Variants in DDX60 observed in about 807,000 individuals in gnomAD.
The protein encoded by DDX60 is DExD/H-box helicase 60, also known as probable ATP-dependent RNA helicase DDX60.
In DDX60, 165 loss-of-function variants were observed where a neutral mutation model predicts 212.8. That is an observed-to-expected ratio of 0.78 (90% CI 0.68 to 0.88). The LOEUF (loss-of-function observed/expected upper bound fraction) is 0.88. Ranked by LOEUF, DDX60 falls within the 40% of genes least tolerant of loss-of-function variation. The pLI is 0.00. For synonymous variants in DDX60, 703 were observed against 685.3 expected, an observed-to-expected ratio of 1.03 and a Z score of -0.40; for missense variants, 1,905 against 2,003.9, an observed-to-expected ratio of 0.95 and a Z score of 0.94.
Position 168,316,791 on chromosome 4 carries a change from CA to C in DDX60, c.-107+1830del, listed in dbSNP as rs918270066. On this transcript the variant is annotated intron_variant, in intron 1 of 37. Coordinates refer to ENST00000393743, the MANE Select transcript of DDX60 (RefSeq NM_017631.6). ...AGTGAAGTATTGTAGTTCTCCCAGC[CA>C]AAAAAAAAAGAAACCCAAAACTTGG... Among the ~76,000 whole-genome samples the C allele has an allele frequency of 1.8e-4, 26 of 143,582 alleles. 1 individual carries two copies. The highest frequency in any genetic ancestry group is 4.2e-4 in the Admixed American group (6 of 14,442). 94.2% of individuals were successfully genotyped at this position (143,582 alleles called of 152,430 possible). A position where few individuals can be genotyped will look rare whatever the true frequency, so the allele number is the denominator to read the frequency against.
At chr4:168,297,369 A>AGAAAGAAAGAAAGAAAGAAAGAAG in intron 6 of DDX60, among the ~76,000 whole-genome samples, 1 of 56,238 alleles carries the variant, frequency 1.8e-5, no homozygotes, top group Admixed American at 1.5e-4. Context: ...AAAGAAAGAA[A>AGAAAGAAAGAAAGAAAGAAAGAAG]GAAAGAAAGA....
At chr4:168,254,390 G>A (rs1284619443) in intron 26 of DDX60, among the ~76,000 whole-genome samples, 2 of 151,814 alleles carry the variant, frequency 1.3e-5, no homozygotes, top group African/African-American at 2.4e-5. Flanking sequence ...TAAGGAAACA[G>A]AAAAATAGGT....
At position 168,283,490 on chromosome 4, in the gene DDX60, T is replaced by C. The variant is rs1443712054; in HGVS notation, c.1678A>G (p.Lys560Glu). The C allele has an allele frequency of 7.4e-6, 12 of 1,613,394 alleles. No individual in the cohort carries two copies. In the East Asian group the frequency reaches 2.5e-4, roughly 33 times the overall value. Reference protein sequence around the residue: ...SSKIIVTQTIKSKKDFSGPKS... With the variant: ...SSKIIVTQTIESKKDFSGPKS... ...GGCCCACTAAAATCCTTCTTTGACT[T>C]AATAGTTTGAGTCACGATGATTTTC... Residue 560 changes from lysine (K) to glutamate (E), a missense_variant, in exon 13 of 38, where the codon AAG (lysine) becomes GAG (glutamate). Lys to Glu is a moderately conservative substitution (Grantham distance 56). Transcript: ENST00000393743.
chr4:168,260,230 C>T (rs1231745355), intron 25 of DDX60, among the ~76,000 whole-genome samples: 1 of 152,106 alleles, frequency 6.6e-6, no homozygotes, highest in Non-Finnish European at 1.5e-5. Flanking sequence ...TCACCATTTA[C>T]ATTAGGTATA....
At chr4:168,222,686 C>A (rs1402298184) in intron 35 of DDX60, among the ~76,000 whole-genome samples, 1 of 152,166 alleles carries the variant, frequency 6.6e-6, no homozygotes, top group East Asian at 1.9e-4. Context: ...TTTGGCACAG[C>A]TACTTTTTAA....
At chr4:168,289,739 A>G (rs528947357) in intron 8 of DDX60, among the ~76,000 whole-genome samples, 43 of 152,276 alleles carry the variant, frequency 2.8e-4, no homozygotes, top group Non-Finnish European at 1.5e-5. Flanking sequence ...CAAATGCTCA[A>G]GCCAGGGGTC....
chr4:168,288,047 G>A, intron 9 of DDX60, 127 bp downstream of exon 9: 1 of 586,296 alleles, frequency 1.7e-6, no homozygotes, highest in Non-Finnish European at 2.8e-6. Flanking sequence ...ACATACAAAT[G>A]TGAACAAAGA....
intron 13 of DDX60, among the ~76,000 whole-genome samples, chr4:168,281,683 ATTG>A (rs1300014888): frequency 6.6e-6 from 1 of 152,224 alleles, no homozygotes; most frequent in Non-Finnish European, 1.5e-5. Flanking sequence ...AAATTAGAGA[ATTG>A]TTGTATTAGC....
intron 33 of DDX60, among the ~76,000 whole-genome samples, chr4:168,235,269 G>A (rs1351424049): frequency 2.0e-5 from 3 of 151,936 alleles, no homozygotes; most frequent in African/African-American, 7.2e-5. Flanking sequence ...GCCTCCCAAA[G>A]TAGTGGGATT....
chr4:168,260,553 G>A (rs990165477), intron 25 of DDX60, among the ~76,000 whole-genome samples: 3 of 152,062 alleles, frequency 2.0e-5, no homozygotes, highest in African/African-American at 7.2e-5. Context: ...TGGTGCACAA[G>A]GATCGAGGGG....
intron 6 of DDX60, among the ~76,000 whole-genome samples, chr4:168,294,603 CG>C (rs1736260066): frequency 6.6e-6 from 1 of 152,010 alleles, no homozygotes; most frequent in Non-Finnish European, 1.5e-5. Flanking sequence ...CAGGCTCAAG[CG>C]ATTCTCTTGC....
chr4:168,223,955 A>G (rs1733154827), intron 35 of DDX60, among the ~76,000 whole-genome samples: 1 of 152,020 alleles, frequency 6.6e-6, no homozygotes, highest in Non-Finnish European at 1.5e-5. Flanking sequence ...AGACAGTTTT[A>G]TGTGCTACTT....
intron 29 of DDX60, among the ~76,000 whole-genome samples, chr4:168,247,904 C>A (rs1734077644): frequency 6.6e-6 from 1 of 152,174 alleles, no homozygotes; most frequent in Admixed American, 6.5e-5. Context: ...TTAATTCTTG[C>A]AAATGCCGTG....
At position 168,292,024 on chromosome 4, in the gene DDX60, CCTTTCTTTCTTT is replaced by C. The variant is rs35921068; in HGVS notation, c.883-130_883-119del. The C allele has an allele frequency of 8.0e-5, 41 of 509,442 alleles. No individual in the cohort carries two copies. In the African/African-American group the frequency reaches 8.1e-4, roughly 10 times the overall value. The allele number at this position is 509,442 out of a possible 1,614,324, so 31.6% of individuals were successfully genotyped here. A position where few individuals can be genotyped will look rare whatever the true frequency, so the allele number is the denominator to read the frequency against. On this transcript the variant is annotated intron_variant, in intron 7 of 37. Transcript: ENST00000393743. ...TGCTGTTCAGGAATCATGAATTATT[CCTTTCTTTCTTT>C]CTTTCTTTCTTTCTTTTTTTTTTTT...
chr4:168,290,836 T>C (rs1243311069), intron 8 of DDX60, among the ~76,000 whole-genome samples: 1 of 152,190 alleles, frequency 6.6e-6, no homozygotes, highest in African/African-American at 2.4e-5. Flanking sequence ...TGTTTTTATT[T>C]TTCTCACTCT....
intron 6 of DDX60, among the ~76,000 whole-genome samples, chr4:168,296,949 A>G (rs1245122773): frequency 6.7e-6 from 1 of 149,056 alleles, no homozygotes; most frequent in East Asian, 2.0e-4. Context: ...CTGGGCCCAC[A>G]GGAACCTCCA....
chr4:168,321,009 G>C (rs1012225619), upstream of DDX60, among the ~76,000 whole-genome samples: 2 of 152,072 alleles, frequency 1.3e-5, no homozygotes, highest in African/African-American at 2.4e-5. Context: ...AAGTTTTTTA[G>C]AATATATGAT....
chr4:168,260,937 T>C lies in DDX60; in HGVS notation c.3326A>G (p.Asn1109Ser). 6.2e-7 allele frequency: 1 copy of C among 1,613,510 alleles called. No homozygotes were observed. The highest frequency in any genetic ancestry group is 1.1e-5 in the South Asian group (1 of 91,014). ...TAGAAGTGGAAACATGGTGATCATG[T>C]TTTCTGGACTCAAATCTGCTTCAGG... ...LSPEADLSPE[N>S]MITMFPLLVE... The change falls in exon 25 of 38, where the codon AAC becomes AGC. Residue 1109 changes from asparagine (N) to serine (S), a missense_variant. Physicochemically the swap from Asn to Ser is conservative, Grantham distance 46 (BLOSUM62 1). Transcript: ENST00000393743.
intron 12 of DDX60, 145 bp from the exon 13 acceptor site, chr4:168,283,751 A>G: frequency 1.6e-6 from 1 of 631,134 alleles, no homozygotes; most frequent in Non-Finnish European, 2.6e-6. Context: ...GAGAACGTAA[A>G]ATCAAGTTAA....
Sources: allele counts gnomAD v4.1 joint callset (sites outside exome capture counted in the v4.1 genomes callset), GRCh38; gene constraint gnomAD v4.1.1; transcripts MANE v1.5; gene names NCBI Gene and HGNC (gene_info 2026-07-23, HGNC 2026-07-21).